SNRPN: variants seen among roughly 807,000 people sequenced by gnomAD.
SNRPN encodes the protein small nuclear ribonucleoprotein-associated protein N.
In SNRPN, 7 loss-of-function variants were observed where a neutral mutation model predicts 25.2. The ratio of observed to expected loss-of-function variants is 0.28; its 90% CI spans 0.16 to 0.52. The LOEUF is 0.52. Among genes scored for constraint, SNRPN ranks in the 20% least tolerant of loss-of-function variants. The pLI is 0.96. For missense variants in SNRPN, 196 were observed against 322.5 expected (o/e 0.61, Z 3.00); for synonymous variants, 124 against 110.6 (o/e 1.12, Z -0.76).
chr15:24,948,823 T>A (rs926125839), intron 3 of SNRPN, among the ~76,000 whole-genome samples: 2 of 151,922 alleles, frequency 1.3e-5, no homozygotes, highest in Non-Finnish European at 2.9e-5. Context: ...CTTTTGAGTA[T>A]ATTCACAACG....
intron 2 of SNRPN, among the ~76,000 whole-genome samples, chr15:24,962,984 A>G (rs148562456): frequency 1.8e-3 from 233 of 132,708 alleles, no homozygotes; most frequent in African/African-American, 6.9e-3. Context: ...AGTAAGTCTC[A>G]TTTTAAAGCA....
intron 2 of SNRPN, chr15:24,967,165 A>G (rs2075761909): frequency 6.6e-6 from 1 of 152,280 alleles, no homozygotes; most frequent in Non-Finnish European, 1.5e-5. Flanking sequence ...GAGTGACTAT[A>G]TATGGTACTG....
At chr15:24,907,597 C>CA (rs1447345903) in intron 2 of SNRPN, among the ~76,000 whole-genome samples, 9 of 150,970 alleles carry the variant, frequency 6.0e-5, no homozygotes, top group Admixed American at 1.3e-4. Flanking sequence ...GACTCCATCT[C>CA]AAAAAAAAGA....
rs562038315 is a variant in SNRPN at position 24,862,788 on chromosome 15, A to G, written c.-579+6072A>G. 1.4e-3 allele frequency among the ~76,000 whole-genome samples: 215 copies of G among 150,828 alleles called. 2 individuals are homozygous for G. Among genetic ancestry groups the G allele is most frequent in the Middle Eastern group, 3.4e-3 (1 of 294 alleles). On this transcript the variant is annotated intron_variant, in intron 1 of 11. Transcript: ENST00000400097. ...AGGAGGAGCATTGGAGGAGATGCTG[A>G]AGAGTGAGGGGCAGGGGATCCACCA...
At chr15:24,868,137 A>G (rs1566844945) in intron 1 of SNRPN, among the ~76,000 whole-genome samples, 4 of 142,190 alleles carry the variant, frequency 2.8e-5, no homozygotes, top group Admixed American at 1.4e-4. Flanking sequence ...ATATATATAT[A>G]CACACACACA....
At chr15:24,950,119 G>GCCTCACAT (rs1265270804), upstream of SNRPN, among the ~76,000 whole-genome samples, 3 of 152,076 alleles carry the variant, frequency 2.0e-5, no homozygotes, top group African/African-American at 7.2e-5. Flanking sequence ...ATTGCACCTG[G>GCCTCACAT]CCTCACATTT....
At chr15:24,976,784 G>A (rs2077112434) in intron 6 of SNRPN, 93 bp from the exon 7 acceptor site, 3 of 1,155,106 alleles carry the variant, frequency 2.6e-6, no homozygotes, top group Middle Eastern at 2.8e-4. Flanking sequence ...TAGGTGTCAT[G>A]GGAAAATGGT....
chr15:24,851,853 C>G (rs1293419869), upstream of SNRPN: 1 of 152,166 alleles, frequency 6.6e-6, no homozygotes, highest in East Asian at 1.9e-4. Flanking sequence ...TGCTCCTGTT[C>G]ATGTCCCTTT....
At chr15:24,965,835 G>A (rs937430368) in intron 2 of SNRPN, among the ~76,000 whole-genome samples, 1 of 152,054 alleles carries the variant, frequency 6.6e-6, no homozygotes, top group Non-Finnish European at 1.5e-5. Flanking sequence ...CATTGCAATA[G>A]AGAATTATCT....
In SNRPN at chr15:24,872,312, T is replaced by C. The variant is rs1175224819; in HGVS notation, c.-578-14204T>C. ...CCTCCCAAGAGGCTAGGATTACAGG[T>C]GCCTGCCACCACACTAGGCTAATTT... On this transcript the variant is annotated intron_variant, in intron 1 of 11. Coordinates refer to the SNRPN transcript ENST00000400097. Among the ~76,000 whole-genome samples the C allele has an allele frequency of 4.3e-5, 5 of 117,268 alleles. 2 individuals carry two copies. Among genetic ancestry groups the C allele is most frequent in the Non-Finnish European group, 3.8e-5 (2 of 53,176 alleles). 76.9% of individuals were successfully genotyped at this position (117,268 alleles called of 152,430 possible).
At chr15:24,877,661 AACACACACACACAC>A (rs72120147) in intron 1 of SNRPN, among the ~76,000 whole-genome samples, 11 of 144,644 alleles carry the variant, frequency 7.6e-5, no homozygotes, top group Admixed American at 6.8e-5. Flanking sequence ...ATCTCTACAA[AACACACACACACAC>A]ACACACACAC....
intron 3 of SNRPN, among the ~76,000 whole-genome samples, chr15:24,969,313 G>T (rs528712213): frequency 6.6e-6 from 1 of 152,194 alleles, no homozygotes; most frequent in East Asian, 1.9e-4. Context: ...ATTTTTGGTA[G>T]AGACGGGGTT....
chr15:24,891,449 T>G (rs952306790), intron 2 of SNRPN, among the ~76,000 whole-genome samples: 1 of 151,938 alleles, frequency 6.6e-6, no homozygotes, highest in Non-Finnish European at 1.5e-5. Flanking sequence ...TTTTTTTTCT[T>G]TTTTTTGAGA....
intron 3 of SNRPN, among the ~76,000 whole-genome samples, chr15:24,947,358 C>T (rs968626389): frequency 2.0e-5 from 3 of 152,142 alleles, no homozygotes; most frequent in Non-Finnish European, 2.9e-5. Flanking sequence ...AGGCTGGGTG[C>T]GGTGGCTCAC....
At chr15:24,932,904 C>A (rs978570668) in intron 3 of SNRPN, among the ~76,000 whole-genome samples, 1 of 152,184 alleles carries the variant, frequency 6.6e-6, no homozygotes, top group African/African-American at 2.4e-5. Flanking sequence ...CTGCCGCAGC[C>A]TCCCAAAGTG....
chr15:24,879,679 G>A (rs987803901), intron 1 of SNRPN, among the ~76,000 whole-genome samples: 2 of 152,112 alleles, frequency 1.3e-5, no homozygotes, highest in Non-Finnish European at 2.9e-5. Context: ...GTTTGCATAT[G>A]GCCTGAGGGT....
chr15:24,856,303 A>C (rs2053376426), upstream of SNRPN, among the ~76,000 whole-genome samples: 1 of 152,190 alleles, frequency 6.6e-6, no homozygotes, highest in Non-Finnish European at 1.5e-5. Flanking sequence ...TGTGAATCTT[A>C]GACAACCCCC....
At chr15:24,885,716 C>CTG (rs58691279) in intron 1 of SNRPN, among the ~76,000 whole-genome samples, 27,326 of 141,572 alleles carry the variant, frequency 0.19, 2,840 homozygotes, top group Middle Eastern at 0.3. Context: ...GAATCTGGGG[C>CTG]TGTGTGTGTG....
intron 2 of SNRPN, among the ~76,000 whole-genome samples, chr15:24,901,706 A>G (rs1162655689): frequency 6.6e-6 from 1 of 152,222 alleles, no homozygotes; most frequent in East Asian, 1.9e-4. Context: ...AAGATTAACT[A>G]TCTTTAAACA....
Sources: allele counts gnomAD v4.1 joint callset (sites outside exome capture counted in the v4.1 genomes callset), GRCh38; gene constraint gnomAD v4.1.1; transcripts MANE v1.5; gene names NCBI Gene and HGNC (gene_info 2026-07-23, HGNC 2026-07-21).